The following MAN2C1 variants were observed in gnomAD, a reference collection of about 807,000 sequenced individuals.
The protein encoded by MAN2C1 is mannosidase alpha class 2C member 1.
A neutral mutation model predicts 126.9 loss-of-function variants in MAN2C1; 111 were observed. The ratio of observed to expected loss-of-function variants is 0.87; its 90% CI spans 0.75 to 1.02. MAN2C1 has a LOEUF of 1.02. Among genes scored for constraint, MAN2C1 ranks in the 50% least tolerant of loss-of-function variants. The probability of loss-of-function intolerance (pLI) is 0.00; values close to 1 mark genes in which losing one functional copy is unlikely to be tolerated. For missense variants in MAN2C1, 1,363 were observed against 1,364.4 expected, an observed-to-expected ratio of 1.00 and a Z score of 0.02; for synonymous variants, 567 against 561.5, an observed-to-expected ratio of 1.01 and a Z score of -0.14.
In MAN2C1 at chr15:75,356,578, G is replaced by A. The variant is rs963925712; in HGVS notation, c.2737+28C>T. On this transcript the variant is annotated intron_variant, in intron 23 of 25. Coordinates refer to ENST00000267978, the MANE Select transcript of MAN2C1 (RefSeq NM_006715.4). This position sits in a 1 kb window ranked among gnomAD's most constrained non-coding sequence, Gnocchi z 5.8. The stretch of plus-strand genomic sequence containing the variant: ...GGGCAGAGAGGTGTCTAGGGCTGCA[G>A]GAAGGCCCCACCGTCCCCAGCACTC... 7.1e-6 allele frequency: 11 copies of A among 1,551,314 alleles called. No individual in the cohort carries two copies. Among genetic ancestry groups the A allele is most frequent in the African/African-American group, 2.7e-5 (2 of 73,150 alleles).
rs1280200138 is a variant in MAN2C1, at chr15:75,355,822, A to G, written c.*84T>C. On this transcript the variant is annotated 3_prime_UTR_variant, in exon 26 of 26. Transcript: ENST00000267978. ...GATCCAAGGATTTATTCCACAAGAAAAGACTGATCCCTGCTTTAGGCTGGG... is the reference window on the plus strand; with the variant it reads ...GATCCAAGGATTTATTCCACAAGAAGAGACTGATCCCTGCTTTAGGCTGGG... 3 of 1,538,828 alleles carry G rather than the reference A, an allele frequency of 1.9e-6. No homozygotes were observed. The highest frequency in any genetic ancestry group is 2.7e-6 in the Non-Finnish European group (3 of 1,123,562).
rs760405944 is a variant in MAN2C1, at chr15:75,356,394, CAG to C, written c.2791_2792del (p.Leu931ValfsTer47). On this transcript the variant is annotated frameshift_variant, in exon 24 of 26. Transcript: ENST00000267978. LOFTEE classifies it high-confidence loss of function. This position sits in a 1 kb window ranked among gnomAD's most constrained non-coding sequence, Gnocchi z 5.8. ...CTGGGCTGGGGGCTGGCAGAGCCAA[CAG>C]GGGGAAGTTTAGGCTGTAGGCAGCT... ...IQAAYSLNFP[L>X]LALPAPSPAP... 152 of 1,610,932 alleles carry C rather than the reference CAG, an allele frequency of 9.4e-5. No homozygotes were observed. The highest frequency in any genetic ancestry group is 3.9e-4 in the Admixed American group (23 of 59,484).
rs2072533763 is a variant in MAN2C1, at chr15:75,364,321, A to G, written c.601-133T>C. 4.0e-6 allele frequency: 5 copies of G among 1,252,508 alleles called. No homozygotes were observed. The Admixed American group carries it at 8.5e-5, about 21-fold the overall frequency. The allele number at this position is 1,252,508 out of a possible 1,614,324, so 77.6% of individuals were successfully genotyped here. A position where few individuals can be genotyped will look rare whatever the true frequency, so the allele number is the denominator to read the frequency against. On this transcript the variant is annotated intron_variant, in intron 5 of 25. Transcript: ENST00000267978. ...TTCCCTGCTGGTCCCCCTGCTCAGC[A>G]CCGTCTCCCTCCTCCCCTTCACATA...
chr15:75,361,985 G>A lies in MAN2C1; in HGVS notation c.1009-38C>T, dbSNP rs770454739. On this transcript the variant is annotated intron_variant, in intron 8 of 25. Coordinates refer to ENST00000267978, the MANE Select transcript of MAN2C1 (RefSeq NM_006715.4). This position sits in a 1 kb window ranked among gnomAD's most constrained non-coding sequence, Gnocchi z 5.0. ...GAAGTGGGAGGCAGCCCAGGTCAGC[G>A]CTGGACGGGGAGCAGGCAGGCGCTC... The A allele has an allele frequency of 7.3e-6, 11 of 1,509,878 alleles. No individual in the cohort carries two copies. Among genetic ancestry groups the A allele is most frequent in the East Asian group, 2.2e-5 (1 of 44,458 alleles). The allele number at this position is 1,509,878 out of a possible 1,614,324, so 93.5% of individuals were successfully genotyped here. A position where few individuals can be genotyped will look rare whatever the true frequency, so the allele number is the denominator to read the frequency against.
intron 4 of MAN2C1, chr15:75,365,947 C>T (rs142624662): frequency 1.4e-5 from 6 of 432,726 alleles, no homozygotes; most frequent in East Asian, 1.6e-4. Context: ...AATAGCTGGA[C>T]GTGGTGGCAC....
At position 75,362,687 on chromosome 15, in the gene MAN2C1, C is replaced by T. The variant is rs765368675; in HGVS notation, c.852G>A (p.Leu284=). The change falls in exon 7 of 26, where the codon CTG becomes CTA. Residue 284 remains leucine, a synonymous_variant. Coordinates refer to ENST00000267978, the MANE Select transcript of MAN2C1 (RefSeq NM_006715.4). This position sits in a 1 kb window ranked among gnomAD's most constrained non-coding sequence, Gnocchi z 4.5. ...ACTCAGGGTTCCGCTCCATGAGCTG[C>T]AGGGCGGTCACCCAGCTCCGGGCAC... ...RKCARSWVTA[L]QLMERNPEFI... 3.1e-6 allele frequency: 5 copies of T among 1,614,040 alleles called. No individual in the cohort carries two copies. In the African/African-American group the frequency reaches 4.0e-5, roughly 13 times the overall value.
In MAN2C1 at chr15:75,368,143, T is replaced by G; in HGVS notation, c.157A>C (p.Arg53=). ...TGGACTGCCTCCTGGTAGGGAAGTC[T>G]CTCCGGCGTCAGGAAGCTGGAGAGC... is the stretch of plus-strand genomic sequence containing the variant. ...AVLSSFLTPE[R]LPYQEAVQRD... is the part of the protein sequence containing the mutation. Residue 53 remains arginine, a synonymous_variant, in exon 2 of 26, where the codon AGA becomes CGA. Transcript: ENST00000267978. 6.2e-7 allele frequency: 1 copy of G among 1,605,158 alleles called. No homozygotes were observed. The highest frequency in any genetic ancestry group is 8.5e-7 in the Non-Finnish European group (1 of 1,177,128).
rs750455197 is a variant in MAN2C1, at chr15:75,362,391, A to G, written c.960T>C (p.Phe320=). The change falls in exon 8 of 26, where the codon TTT becomes TTC. Residue 320 remains phenylalanine (F), a synonymous_variant. Transcript: ENST00000267978. The surrounding 1 kb of genome is among the most constrained non-coding windows in gnomAD (Gnocchi z 4.5). ...CAGGCACAAACTGCCCACGGCACGCAAACTCCTGGATGCGGGAGTACAGGC... is the reference window on the plus strand; with the variant it reads ...CAGGCACAAACTGCCCACGGCACGCGAACTCCTGGATGCGGGAGTACAGGC... ...YPGLYSRIQE[F]ACRGQFVPVG... is the part of the protein sequence containing the mutation. 1.2e-6 allele frequency: 2 copies of G among 1,613,950 alleles called. No individual in the cohort carries two copies. The highest frequency in any genetic ancestry group is 1.7e-6 in the Non-Finnish European group (2 of 1,180,014).
rs1370454668 is a variant in MAN2C1 at position 75,364,503 on chromosome 15, C to A, written c.585G>T (p.Leu195=). 1.3e-6 allele frequency: 2 copies of A among 1,594,744 alleles called. No individual in the cohort carries two copies. The highest frequency in any genetic ancestry group is 1.7e-5 in the Admixed American group (1 of 57,148). ...VHMLLVDLEL[L]LGIAKGLGKD... is the part of the protein sequence containing the mutation. The stretch of plus-strand genomic sequence containing the variant: ...TGTCAAGTACCTTGGCTATGCCCAG[C>A]AGCAGCTCCAGATCCACCAGGAGCA... Residue 195 remains leucine (L), a synonymous_variant, in exon 5 of 26, where the codon CTG becomes CTT. Transcript: ENST00000267978.
intron 3 of MAN2C1, among the ~76,000 whole-genome samples, chr15:75,367,166 A>G (rs912236429): frequency 1.3e-5 from 2 of 151,940 alleles, no homozygotes; most frequent in Non-Finnish European, 1.5e-5. Context: ...GGGTATAAAG[A>G]CCTACTAGAT....
At chr15:75,360,023 G>C in intron 14 of MAN2C1, 35 bp from the exon 15 acceptor site, 3 of 1,614,034 alleles carry the variant, frequency 1.9e-6, no homozygotes, top group Non-Finnish European at 2.5e-6. Context: ...GGAAGGCTGG[G>C]AGGGGCAGGC....
At position 75,356,114 on chromosome 15, in the gene MAN2C1, T is replaced by C. The variant is rs2072285180; in HGVS notation, c.2992A>G (p.Ile998Val). The part of the protein sequence containing the change: ...LHLSLPVQEA[I>V]LCDLLERPDP... ...CAATCCCACACCGCCACTCACAGGA[T>C]GGCCTCCTGAACCGGCAGCGACAAG... The change falls in exon 25 of 26, where the codon ATC (isoleucine) becomes GTC (valine). Residue 998 changes from isoleucine to valine, a missense_variant. Ile to Val is a conservative substitution (Grantham distance 29). Around this residue, in one of 3 missense-constraint regions of MAN2C1, gnomAD observed 668 missense variants for 650.1 expected, o/e 1.03. Transcript: ENST00000267978. The surrounding 1 kb of genome is among the most constrained non-coding windows in gnomAD (Gnocchi z 5.8). 6.2e-7 allele frequency: 1 copy of C among 1,613,884 alleles called. No individual in the cohort carries two copies. The highest frequency in any genetic ancestry group is 1.1e-5 in the South Asian group (1 of 91,078).
rs1412064007 is a variant in MAN2C1 at position 75,360,464 on chromosome 15, T to C, written c.1584+101A>G. ...GAACTTCTCTCCTCCAAACTTCTCT[T>C]CCCCTAGATCTGGCCTGGGCTCTGT... is the stretch of plus-strand genomic sequence containing the variant. On this transcript the variant is annotated intron_variant, in intron 13 of 25. Transcript: ENST00000267978. 6.7e-6 allele frequency: 10 copies of C among 1,501,236 alleles called. No individual in the cohort carries two copies. The East Asian group carries it at 1.7e-4, about 25-fold the overall frequency. The allele number at this position is 1,501,236 out of a possible 1,614,324, so 93.0% of individuals were successfully genotyped here. A position where few individuals can be genotyped will look rare whatever the true frequency, so the allele number is the denominator to read the frequency against.
chr15:75,368,429 A>G, intron 1 of MAN2C1, 54 bp downstream of exon 1: 1 of 1,514,178 alleles, frequency 6.6e-7, no homozygotes, highest in Non-Finnish European at 8.9e-7. Context: ...CCCGGAAGGA[A>G]AGCTTGAGGC....
chr15:75,358,821 G>T lies in MAN2C1; in HGVS notation c.2142-13C>A. Reference sequence around the variant, plus strand: ...AGCAATGGCCTCCCTGGAAGGACATGGGATTGGTGCTGTACAACCAACTGA... The same window carrying T: ...AGCAATGGCCTCCCTGGAAGGACATTGGATTGGTGCTGTACAACCAACTGA... On this transcript the variant is annotated splice_polypyrimidine_tract_variant and intron_variant, in intron 18 of 25. Transcript: ENST00000267978. 1 of 1,603,176 alleles carries T rather than the reference G, an allele frequency of 6.2e-7. No individual in the cohort carries two copies. The highest frequency in any genetic ancestry group is 8.5e-7 in the Non-Finnish European group (1 of 1,171,212).
rs112273984 is a variant in MAN2C1 at position 75,355,805 on chromosome 15, G to A, written c.*101C>T. 5.5e-4 allele frequency: 792 copies of A among 1,452,254 alleles called. 6 individuals carry two copies. The highest frequency in any genetic ancestry group is 4.4e-4 in the Middle Eastern group (2 of 4,524). 90.0% of individuals were successfully genotyped at this position (1,452,254 alleles called of 1,614,324 possible). On this transcript the variant is annotated 3_prime_UTR_variant, in exon 26 of 26. Coordinates refer to ENST00000267978, the MANE Select transcript of MAN2C1 (RefSeq NM_006715.4). ...TGAGCAGCAGGGTTCCCGATCCAAG[G>A]ATTTATTCCACAAGAAAAGACTGAT...
chr15:75,362,714 T>A lies in MAN2C1; in HGVS notation c.825A>T (p.Lys275Asn), dbSNP rs371505553. 19 of 1,613,972 alleles carry A rather than the reference T, an allele frequency of 1.2e-5. No individual in the cohort carries two copies. Among genetic ancestry groups the A allele is most frequent in the South Asian group, 2.2e-5 (2 of 91,094 alleles). The change falls in exon 7 of 26, where the codon AAA becomes AAT. Residue 275 changes from lysine to asparagine, a missense_variant. Physicochemically the swap from Lys to Asn is moderately conservative, Grantham distance 94. Coordinates refer to ENST00000267978, the MANE Select transcript of MAN2C1 (RefSeq NM_006715.4). The surrounding 1 kb of genome is among the most constrained non-coding windows in gnomAD (Gnocchi z 4.5). ...GGGCGGTCACCCAGCTCCGGGCACA[T>A]TTCCTCACAGTCTCTTTGAAGGGCC... ...WLWPFKETVR[K>N]CARSWVTALQ...
At position 75,359,932 on chromosome 15, in the gene MAN2C1, A is replaced by C. The variant is rs1219328568; in HGVS notation, c.1763T>G (p.Val588Gly). 1.9e-6 allele frequency: 3 copies of C among 1,613,344 alleles called. No homozygotes were observed. The South Asian group carries it at 3.3e-5, about 18-fold the overall frequency. Residue 588 changes from valine (V) to glycine (G), a missense_variant, in exon 15 of 26, where the codon GTG (valine) becomes GGG (glycine). Coordinates refer to ENST00000267978, the MANE Select transcript of MAN2C1 (RefSeq NM_006715.4). The stretch of plus-strand genomic sequence containing the variant: ...ATAATGGCACATGGCTTCCTCTGCC[A>C]CCATCTGGATGCAGCTTCCAGTCAC... ...DVVTGSCIQM[V>G]AEEAMCHYED...
Position 75,362,463 on chromosome 15 carries a change from G to C in MAN2C1, c.898-10C>G, listed in dbSNP as rs775186715. ...ATTCCAGCTGCTGCGCCTGTGGGCA[G>C]GTTGAAGGGAGCTGGGACCAGAGTG... On this transcript the variant is annotated splice_polypyrimidine_tract_variant and intron_variant, in intron 7 of 25. Coordinates refer to ENST00000267978, the MANE Select transcript of MAN2C1 (RefSeq NM_006715.4). This position sits in a 1 kb window ranked among gnomAD's most constrained non-coding sequence, Gnocchi z 4.5. 3.1e-6 allele frequency: 5 copies of C among 1,598,872 alleles called. No individual in the cohort carries two copies. The highest frequency in any genetic ancestry group is 4.3e-6 in the Non-Finnish European group (5 of 1,172,940).
Sources: allele counts gnomAD v4.1 joint callset (sites outside exome capture counted in the v4.1 genomes callset), GRCh38; gene constraint gnomAD v4.1.1; regional missense constraint gnomAD v4.1.1; non-coding constraint Gnocchi (gnomAD v3.1); transcripts MANE v1.5; gene names NCBI Gene and HGNC (gene_info 2026-07-23, HGNC 2026-07-21).